The following TBC1D22A variants were observed in gnomAD, a reference collection of about 807,000 sequenced individuals.
TBC1D22A encodes TBC1 domain family member 22A, also known as putative GTPase activator.
Under a neutral mutation model 60.2 loss-of-function variants are expected in TBC1D22A, and 38 were observed. That is an observed-to-expected ratio of 0.63 (90% CI 0.49 to 0.83). The LOEUF (loss-of-function observed/expected upper bound fraction) is 0.83. Among genes scored for constraint, TBC1D22A ranks in the 40% least tolerant of loss-of-function variants. The probability of loss-of-function intolerance (pLI) is 0.00; values close to 1 mark genes in which losing one functional copy is unlikely to be tolerated. For synonymous variants in TBC1D22A, 302 were observed against 281.7 expected, an observed-to-expected ratio of 1.07 and a Z score of -0.72; for missense variants, 628 against 701.0, an observed-to-expected ratio of 0.90 and a Z score of 1.18.
chr22:46,806,842 C>G (rs1046303919), intron 4 of TBC1D22A, among the ~76,000 whole-genome samples: 6 of 152,164 alleles, frequency 3.9e-5, no homozygotes, highest in Non-Finnish European at 5.9e-5. Context: ...TAGAATAGTG[C>G]TGATCTTCGG....
chr22:47,172,353 G>A (rs540829988), intron 12 of TBC1D22A, among the ~76,000 whole-genome samples: 1 of 152,182 alleles, frequency 6.6e-6, no homozygotes, highest in Non-Finnish European at 1.5e-5. Context: ...ATAAAAATTT[G>A]TACTATGTGA....
chr22:47,127,412 T>TC (rs1556298991), intron 12 of TBC1D22A, among the ~76,000 whole-genome samples: 1 of 147,240 alleles, frequency 6.8e-6, no homozygotes, highest in Non-Finnish European at 1.5e-5. Context: ...TTTTTTTTTT[T>TC]GTATTTTTAG....
chr22:46,907,086 T>TGA, intron 7 of TBC1D22A, among the ~76,000 whole-genome samples: 1 of 151,932 alleles, frequency 6.6e-6, no homozygotes, highest in East Asian at 1.9e-4. Flanking sequence ...CTTCTGTGTG[T>TGA]GTGTGCTCTT....
chr22:46,907,690 G>A (rs956431836), intron 7 of TBC1D22A, among the ~76,000 whole-genome samples: 3 of 152,282 alleles, frequency 2.0e-5, no homozygotes, highest in African/African-American at 7.2e-5. Context: ...CCTCTGTGCC[G>A]GCCGTGCAGG....
chr22:46,899,250 C>T (rs533967828), intron 7 of TBC1D22A, among the ~76,000 whole-genome samples: 2 of 152,180 alleles, frequency 1.3e-5, no homozygotes, highest in South Asian at 4.1e-4. Flanking sequence ...AGTTCAAGAC[C>T]AGCCTGGCCA....
intron 11 of TBC1D22A, among the ~76,000 whole-genome samples, chr22:47,044,473 T>TG (rs1470798022): frequency 6.6e-6 from 1 of 152,188 alleles, no homozygotes; most frequent in African/African-American, 2.4e-5. Context: ...CGACAGCCCT[T>TG]GGGGCTCTCC....
intron 4 of TBC1D22A, among the ~76,000 whole-genome samples, chr22:46,816,126 C>T (rs2085587247): frequency 6.6e-6 from 1 of 152,150 alleles, no homozygotes; most frequent in African/African-American, 2.4e-5. Flanking sequence ...GTCCTGGGAG[C>T]CTGCCCTGGA....
chr22:46,883,138 C>G (rs557791752), intron 5 of TBC1D22A, among the ~76,000 whole-genome samples: 1 of 152,286 alleles, frequency 6.6e-6, no homozygotes, highest in South Asian at 2.1e-4. Context: ...ACTACTTAAA[C>G]ATCGAACATT....
chr22:46,874,391 A>G (rs758607359), intron 4 of TBC1D22A, among the ~76,000 whole-genome samples: 4 of 151,426 alleles, frequency 2.6e-5, no homozygotes, highest in Non-Finnish European at 5.9e-5. Flanking sequence ...TCTAATTTAC[A>G]CTCCCACAGA....
intron 12 of TBC1D22A, among the ~76,000 whole-genome samples, chr22:47,145,554 AGTG>A (rs1601663580): frequency 6.6e-6 from 1 of 152,340 alleles, no homozygotes; most frequent in East Asian, 1.9e-4. Flanking sequence ...CGTCATATGA[AGTG>A]GTGATCAAAT....
At chr22:47,111,970 A>T (rs911430189) in intron 12 of TBC1D22A, among the ~76,000 whole-genome samples, 1 of 152,166 alleles carries the variant, frequency 6.6e-6, no homozygotes, top group East Asian at 1.9e-4. Flanking sequence ...TGCTTTAGGG[A>T]CAGGGCTGGG....
At chr22:46,862,678 C>T (rs1249712934) in intron 4 of TBC1D22A, among the ~76,000 whole-genome samples, 2 of 152,060 alleles carry the variant, frequency 1.3e-5, no homozygotes, top group Non-Finnish European at 2.9e-5. Flanking sequence ...TAGGGGGTTT[C>T]CCATCCAAGG....
At chr22:47,138,600 C>G (rs2066964852) in intron 12 of TBC1D22A, among the ~76,000 whole-genome samples, 1 of 152,236 alleles carries the variant, frequency 6.6e-6, no homozygotes, top group Non-Finnish European at 1.5e-5. Flanking sequence ...TGGAGAGCCC[C>G]CTTGGTGGGT....
At chr22:46,843,806 C>G (rs2086877081) in intron 4 of TBC1D22A, among the ~76,000 whole-genome samples, 1 of 152,060 alleles carries the variant, frequency 6.6e-6, no homozygotes, top group Non-Finnish European at 1.5e-5. Flanking sequence ...TAAACTGCAT[C>G]TCATTCACAG....
At chr22:47,116,456 A>T (rs1277599892) in intron 12 of TBC1D22A, 1 of 152,330 alleles carries the variant, frequency 6.6e-6, no homozygotes, top group Non-Finnish European at 1.5e-5. Context: ...CCACTGCCTG[A>T]TGTTGATGCG....
chr22:46,931,592 G>T (rs1048741166), intron 8 of TBC1D22A, among the ~76,000 whole-genome samples: 7 of 152,332 alleles, frequency 4.6e-5, no homozygotes, highest in South Asian at 4.1e-4. Context: ...CCAGCAGAGG[G>T]TGCCTGCTTT....
chr22:47,054,008 A>G (rs996457568), intron 11 of TBC1D22A, among the ~76,000 whole-genome samples: 2 of 152,188 alleles, frequency 1.3e-5, no homozygotes, highest in Non-Finnish European at 2.9e-5. Context: ...CTCATCAGTC[A>G]TCCGGCTTCG....
intron 9 of TBC1D22A, among the ~76,000 whole-genome samples, chr22:46,995,779 C>T (rs1005321409): frequency 3.3e-5 from 5 of 152,234 alleles, no homozygotes; most frequent in South Asian, 4.1e-4. Flanking sequence ...ACTCTGTGGC[C>T]GCGTCCCCTC....
At chr22:46,926,614 G>A (rs750654315) in intron 8 of TBC1D22A, among the ~76,000 whole-genome samples, 2 of 152,122 alleles carry the variant, frequency 1.3e-5, no homozygotes, top group African/African-American at 2.4e-5. Context: ...CATTTAAATC[G>A]GTGGACTTTG....
Sources: gnomAD v4.1 joint callset for allele counts (sites outside exome capture counted in the v4.1 genomes callset) on GRCh38, gnomAD v4.1.1 for gene constraint, MANE v1.5 for transcripts, NCBI Gene and HGNC (gene_info 2026-07-23, HGNC 2026-07-21) for gene names.